PCSK5: variants seen among roughly 807,000 people sequenced by gnomAD.
PCSK5 encodes prohormone convertase 5.
A neutral mutation model predicts 233.2 loss-of-function variants in PCSK5; 129 were observed. That is an observed-to-expected ratio of 0.55 (90% confidence interval 0.48 to 0.64). The LOEUF is 0.64. Among genes scored for constraint, PCSK5 ranks in the 30% least tolerant of loss-of-function variants. The pLI is 0.00. For missense variants in PCSK5, 2,076 were observed against 2,430.1 expected, an observed-to-expected ratio of 0.85 and a Z score of 3.06; for synonymous variants, 825 against 879.2, an observed-to-expected ratio of 0.94 and a Z score of 1.09.
chr9:76,179,463 C>A, intron 14 of PCSK5, 133 bp from the exon 15 acceptor site: 1 of 598,092 alleles, frequency 1.7e-6, no homozygotes, highest in Non-Finnish European at 2.9e-6. Context: ...GCCACATTGA[C>A]AATTATTCCT....
chr9:76,005,073 C>T (rs1402795647), intron 3 of PCSK5, among the ~76,000 whole-genome samples: 1 of 152,194 alleles, frequency 6.6e-6, no homozygotes, highest in Non-Finnish European at 1.5e-5. Flanking sequence ...TCTTTCCCTT[C>T]CTTTCACAGT....
In PCSK5 at chr9:76,059,103, G is replaced by A. The variant is rs191028911; in HGVS notation, c.633-8852G>A. 6.6e-5 allele frequency among the ~76,000 whole-genome samples: 10 copies of A among 152,348 alleles called. No individual in the cohort carries two copies. In the East Asian group the frequency reaches 1.9e-3, roughly 29 times the overall value. The stretch of plus-strand genomic sequence containing the variant: ...GGTAGCTAAAGTGAAATATAGAATT[G>A]AGCAAGTTACACAGAATGCAGCCCA... On this transcript the variant is annotated intron_variant, in intron 5 of 37. Coordinates refer to ENST00000674117, the MANE Select transcript of PCSK5 (RefSeq NM_001372043.1).
At chr9:76,351,663 G>T (rs1777412015) in intron 36 of PCSK5, among the ~76,000 whole-genome samples, 1 of 144,050 alleles carries the variant, frequency 6.9e-6, no homozygotes, top group Non-Finnish European at 1.5e-5. Flanking sequence ...GAGAGAGAAA[G>T]AAAGAAAGAA....
At chr9:76,116,308 G>A (rs994448562) in intron 9 of PCSK5, among the ~76,000 whole-genome samples, 4 of 152,056 alleles carry the variant, frequency 2.6e-5, no homozygotes, top group Non-Finnish European at 4.4e-5. Flanking sequence ...TTATAAGATT[G>A]CATTATTTCT....
intron 7 of PCSK5, among the ~76,000 whole-genome samples, chr9:76,078,965 T>C (rs1246139563): frequency 6.6e-6 from 1 of 152,172 alleles, no homozygotes; most frequent in Non-Finnish European, 1.5e-5. Flanking sequence ...GCATGGAATG[T>C]TTTTTCTATT....
chr9:75,913,397 A>T (rs1401953063), intron 1 of PCSK5, among the ~76,000 whole-genome samples: 1 of 152,226 alleles, frequency 6.6e-6, no homozygotes, highest in South Asian at 2.1e-4. Flanking sequence ...CCACACATAT[A>T]TGAGTATTTA....
chr9:76,074,667 C>T (rs537766634), intron 7 of PCSK5, among the ~76,000 whole-genome samples: 1 of 152,258 alleles, frequency 6.6e-6, no homozygotes, highest in East Asian at 1.9e-4. Flanking sequence ...TCTCTGCTTC[C>T]ATTTTCTCAT....
chr9:76,048,825 A>G (rs1244372702), intron 5 of PCSK5, among the ~76,000 whole-genome samples: 5 of 152,228 alleles, frequency 3.3e-5, no homozygotes, highest in Non-Finnish European at 7.3e-5. Context: ...TCCAATGGTT[A>G]TTATTTCAGG....
intron 3 of PCSK5, among the ~76,000 whole-genome samples, chr9:75,993,238 C>A (rs1826851693): frequency 6.6e-6 from 1 of 151,916 alleles, no homozygotes; most frequent in African/African-American, 2.4e-5. Context: ...AGGAGACCTC[C>A]TGAGAAAGGA....
At chr9:76,243,673 T>TATAC (rs1826495442) in intron 24 of PCSK5, among the ~76,000 whole-genome samples, 1 of 152,192 alleles carries the variant, frequency 6.6e-6, no homozygotes, top group Admixed American at 6.5e-5. Context: ...ATTTGCTATG[T>TATAC]ATACACCTTT....
At chr9:76,152,886 A>G (rs935945231) in intron 10 of PCSK5, among the ~76,000 whole-genome samples, 2 of 152,182 alleles carry the variant, frequency 1.3e-5, no homozygotes, top group African/African-American at 4.8e-5. Flanking sequence ...GCGCCTAACA[A>G]TTATCTTCTC....
At chr9:76,180,218 C>G (rs947559133) in intron 15 of PCSK5, among the ~76,000 whole-genome samples, 1 of 151,892 alleles carries the variant, frequency 6.6e-6, no homozygotes, top group African/African-American at 2.4e-5. Flanking sequence ...CACTTAAACA[C>G]TACTCTCGTC....
At chr9:76,081,932 A>G (rs1830855491) in intron 7 of PCSK5, among the ~76,000 whole-genome samples, 2 of 152,176 alleles carry the variant, frequency 1.3e-5, no homozygotes, top group South Asian at 4.1e-4. Context: ...GACTTCTACT[A>G]TAGCATACTT....
At chr9:76,303,341 C>A (rs889587746) in intron 28 of PCSK5, among the ~76,000 whole-genome samples, 4 of 152,126 alleles carry the variant, frequency 2.6e-5, no homozygotes, top group African/African-American at 9.7e-5. Flanking sequence ...GCTTGGCTGA[C>A]ATTACAGAAT....
chr9:76,144,894 G>A (rs948052465), intron 10 of PCSK5, among the ~76,000 whole-genome samples: 5 of 152,148 alleles, frequency 3.3e-5, no homozygotes, highest in African/African-American at 9.7e-5. Context: ...TTGGGAGGCC[G>A]AAGTGGGCGG....
chr9:75,968,320 G>A (rs969405744), intron 2 of PCSK5, among the ~76,000 whole-genome samples: 1 of 152,242 alleles, frequency 6.6e-6, no homozygotes, highest in Non-Finnish European at 1.5e-5. Context: ...GCCAGTCTAA[G>A]TATATCACAG....
intron 8 of PCSK5, 47 bp from the exon 9 acceptor site, chr9:76,107,204 G>T: frequency 1.8e-6 from 2 of 1,126,870 alleles, no homozygotes; most frequent in South Asian, 2.6e-5. Flanking sequence ...ACTTGCAGGT[G>T]ACTCACATTG....
intron 36 of PCSK5, among the ~76,000 whole-genome samples, chr9:76,351,453 A>AAAG (rs540963100): frequency 5.0e-5 from 1 of 19,970 alleles, no homozygotes; most frequent in African/African-American, 1.6e-4. Flanking sequence ...GAAAGGAAAG[A>AAAG]AAGAAAGAAA....
intron 35 of PCSK5, among the ~76,000 whole-genome samples, chr9:76,343,165 AT>A (rs57723867): frequency 0.49 from 69,410 of 140,808 alleles, 16,740 homozygotes; most frequent in Middle Eastern, 0.55. Context: ...TTAGGATAGA[AT>A]TTTTTTTTTT....
Sources: allele counts gnomAD v4.1 joint callset (sites outside exome capture counted in the v4.1 genomes callset), GRCh38; gene constraint gnomAD v4.1.1; transcripts MANE v1.5; gene names NCBI Gene and HGNC (gene_info 2026-07-23, HGNC 2026-07-21).